KL: variants seen among roughly 807,000 people sequenced by gnomAD.
KL encodes klotho, also known as alpha-klotho.
KL carries 62 observed loss-of-function variants against 84.2 expected under a neutral mutation model. That is an observed-to-expected ratio of 0.74 (90% CI 0.60 to 0.91). The LOEUF is 0.91. Ranked by LOEUF, KL falls within the 40% of genes least tolerant of loss-of-function variation. The pLI, the probability that KL is intolerant of heterozygous loss-of-function variation, is 0.00. For synonymous variants in KL, 528 were observed against 528.0 expected (o/e 1.00, Z 0.00); for missense variants, 1,261 against 1,305.7 (o/e 0.97, Z 0.53).
chr13:33,016,674 C>A lies in KL; in HGVS notation c.234C>A (p.Gly78=). ...AVGSAAYQTE[G]GWQQHGKGAS... ...GCAGCGCCGCCTACCAGACCGAGGG[C>A]GGCTGGCAGCAGCACGGCAAGGGTG... The change falls in exon 1 of 5, where the codon GGC becomes GGA. Residue 78 remains glycine (G), a synonymous_variant. Coordinates refer to ENST00000380099, the MANE Select transcript of KL (RefSeq NM_004795.4). The A allele has an allele frequency of 6.3e-7, 1 of 1,595,596 alleles. No homozygotes were observed.
chr13:33,024,152 T>C (rs1216761059), intron 1 of KL, among the ~76,000 whole-genome samples: 1 of 152,216 alleles, frequency 6.6e-6, no homozygotes, highest in Non-Finnish European at 1.5e-5. Context: ...CTTTCACATA[T>C]TTGAAAAGAC....
rs1422688879 is a variant in KL at position 33,064,441 on chromosome 13, C to T, written c.*255C>T. The T allele has an allele frequency of 5.4e-6, 2 of 372,188 alleles. No individual in the cohort carries two copies. Among genetic ancestry groups the T allele is most frequent in the African/African-American group, 2.0e-5 (1 of 49,310 alleles). 23.1% of individuals were successfully genotyped at this position (372,188 alleles called of 1,614,324 possible). On this transcript the variant is annotated 3_prime_UTR_variant, in exon 5 of 5. Coordinates refer to ENST00000380099, the MANE Select transcript of KL (RefSeq NM_004795.4). ...GACAGGCACTATAATTTCTGTAACA[C>T]ACTAACAAAAGCATGAAAAATAGGA...
chr13:33,016,835 T>C lies in KL; in HGVS notation c.395T>C (p.Val132Ala). ...GDVASDSYNNVFRDTEALREL... is the reference protein window; with the variant it reads ...GDVASDSYNNAFRDTEALREL... Reference sequence around the variant, plus strand: ...GTAGCCAGCGACAGCTACAACAACGTCTTCCGCGACACGGAGGCGCTGCGC... The same window carrying C: ...GTAGCCAGCGACAGCTACAACAACGCCTTCCGCGACACGGAGGCGCTGCGC... The change falls in exon 1 of 5, where the codon GTC becomes GCC. Residue 132 changes from valine to alanine, a missense_variant. Val to Ala is a moderately conservative substitution (Grantham distance 64). Transcript: ENST00000380099. 9 of 1,612,682 alleles carry C rather than the reference T, an allele frequency of 5.6e-6. No homozygotes were observed. Among genetic ancestry groups the C allele is most frequent in the Non-Finnish European group, 7.6e-6 (9 of 1,179,760 alleles).
Position 33,053,826 on chromosome 13 carries a change from G to A in KL, c.879G>A (p.Gln293=). The A allele has an allele frequency of 6.2e-7, 1 of 1,614,060 alleles. No homozygotes were observed. Among genetic ancestry groups the A allele is most frequent in the Non-Finnish European group, 8.5e-7 (1 of 1,179,956 alleles). Residue 293 remains glutamine (Q), a synonymous_variant, in exon 2 of 5, where the codon CAG becomes CAA. Coordinates refer to ENST00000380099, the MANE Select transcript of KL (RefSeq NM_004795.4). ...NTSFRPTQGG[Q]VSIALSSHWI... is the part of the protein sequence containing the mutation. ...CTTTCCGTCCCACTCAGGGAGGTCA[G>A]GTGTCCATTGCCCTAAGCTCTCACT...
chr13:33,053,643 A>T, intron 1 of KL, 124 bp from the exon 2 acceptor site: 2 of 927,424 alleles, frequency 2.2e-6, no homozygotes, highest in Non-Finnish European at 3.4e-6. Flanking sequence ...GCTGATTTTT[A>T]TATTGTTAGT....
At chr13:33,031,486 T>C (rs769873722) in intron 1 of KL, among the ~76,000 whole-genome samples, 1 of 152,238 alleles carries the variant, frequency 6.6e-6, no homozygotes, top group African/African-American at 2.4e-5. Flanking sequence ...GAGGTCATTA[T>C]TTATTCAAGG....
chr13:33,030,386 T>A (rs1870932857), intron 1 of KL, among the ~76,000 whole-genome samples: 1 of 152,202 alleles, frequency 6.6e-6, no homozygotes, highest in Admixed American at 6.5e-5. Flanking sequence ...ACTGATGCAT[T>A]TTTGTTAACC....
At chr13:33,040,012 G>T (rs189351542) in intron 1 of KL, among the ~76,000 whole-genome samples, 1 of 152,172 alleles carries the variant, frequency 6.6e-6, no homozygotes, top group Non-Finnish European at 1.5e-5. Flanking sequence ...ACACATATTC[G>T]TCTAACTGGG....
At chr13:33,034,548 AAAAT>A (rs1303612590) in intron 1 of KL, among the ~76,000 whole-genome samples, 2 of 152,162 alleles carry the variant, frequency 1.3e-5, no homozygotes, top group South Asian at 4.1e-4. Flanking sequence ...ACCAAAAAAA[AAAAT>A]AAATAAAATG....
intron 3 of KL, 149 bp from the exon 4 acceptor site, chr13:33,060,530 C>T: frequency 1.2e-6 from 1 of 854,748 alleles, no homozygotes; most frequent in Non-Finnish European, 1.9e-6. Context: ...TCCTCAGGAG[C>T]TGACAATTTA....
intron 1 of KL, among the ~76,000 whole-genome samples, chr13:33,032,673 G>A (rs1238638978): frequency 3.3e-5 from 5 of 152,066 alleles, no homozygotes; most frequent in African/African-American, 1.2e-4. Context: ...ATTCAAGGGG[G>A]AGGGTCCACA....
intron 1 of KL, among the ~76,000 whole-genome samples, chr13:33,042,774 T>C (rs1238302116): frequency 6.6e-6 from 1 of 152,120 alleles, no homozygotes; most frequent in Non-Finnish European, 1.5e-5. Context: ...TTCTGCCACG[T>C]GGGTCCAAGC....
At chr13:33,039,376 G>A (rs1228303371) in intron 1 of KL, among the ~76,000 whole-genome samples, 1 of 152,088 alleles carries the variant, frequency 6.6e-6, no homozygotes, top group Admixed American at 6.6e-5. Context: ...TGAGTGAAAG[G>A]ATAAATGAAT....
At chr13:33,041,354 G>A (rs1348474384) in intron 1 of KL, among the ~76,000 whole-genome samples, 3 of 148,168 alleles carry the variant, frequency 2.0e-5, no homozygotes, top group Non-Finnish European at 4.5e-5. Context: ...TGTGATTAAA[G>A]CTATTAGGTT....
Position 33,060,948 on chromosome 13 carries a change from C to T in KL, c.1869C>T (p.Ala623=). ...HTILQYYRCM[A]SELVRVNITP... ...TCCTGCAGTACTATCGCTGCATGGC[C>T]AGCGAGCTTGTCCGTGTCAACATCA... The change falls in exon 4 of 5, where the codon GCC becomes GCT. Residue 623 remains alanine, a synonymous_variant. Coordinates refer to ENST00000380099, the MANE Select transcript of KL (RefSeq NM_004795.4). The T allele has an allele frequency of 1.2e-6, 2 of 1,611,676 alleles. No individual in the cohort carries two copies. The highest frequency in any genetic ancestry group is 1.7e-6 in the Non-Finnish European group (2 of 1,178,032).
intron 3 of KL, among the ~76,000 whole-genome samples, chr13:33,058,941 C>T (rs909642171): frequency 1.3e-5 from 2 of 152,150 alleles, no homozygotes; most frequent in African/African-American, 4.8e-5. Flanking sequence ...AGGGGAAGTG[C>T]ATGTGTGGGT....
chr13:33,043,912 T>C (rs1447533859), intron 1 of KL, among the ~76,000 whole-genome samples: 1 of 152,234 alleles, frequency 6.6e-6, no homozygotes, highest in Middle Eastern at 3.2e-3. Context: ...TTCTGTGTTC[T>C]AAGAAGTATT....
intron 1 of KL, among the ~76,000 whole-genome samples, chr13:33,036,796 C>A (rs1871158908): frequency 6.6e-6 from 1 of 152,066 alleles, no homozygotes; most frequent in African/African-American, 2.4e-5. Context: ...AAACTGTACA[C>A]TTAAAAATTA....
intron 1 of KL, 95 bp from the exon 2 acceptor site, chr13:33,053,672 G>T (rs1871834508): frequency 8.5e-7 from 1 of 1,181,504 alleles, no homozygotes. Flanking sequence ...TAGGCTTGAT[G>T]AGAAACAGAT....
Sources: allele counts gnomAD v4.1 joint callset (sites outside exome capture counted in the v4.1 genomes callset), GRCh38; gene constraint gnomAD v4.1.1; transcripts MANE v1.5; gene names NCBI Gene and HGNC (gene_info 2026-07-23, HGNC 2026-07-21).